DHTKD1: variants seen among roughly 807,000 people sequenced by gnomAD.
DHTKD1 encodes 2-oxoadipate dehydrogenase complex component E1.
Under a neutral mutation model 101.8 loss-of-function variants are expected in DHTKD1, and 78 were observed. The observed-to-expected ratio is 0.77, with a 90% CI of 0.64 to 0.93. The LOEUF (loss-of-function observed/expected upper bound fraction) is 0.93, where lower values mean the gene tolerates loss of function less well. Among genes scored for constraint, DHTKD1 ranks in the 40% least tolerant of loss-of-function variants. The pLI is 0.00. For missense variants in DHTKD1, 1,223 were observed against 1,161.7 expected (o/e 1.05, Z -0.77); for synonymous variants, 462 against 450.3 (o/e 1.03, Z -0.33).
chr10:12,112,843 T>C, intron 12 of DHTKD1, 57 bp from the exon 13 acceptor site: 1 of 1,514,802 alleles, frequency 6.6e-7, no homozygotes, highest in South Asian at 1.3e-5. Context: ...CCATTGTCAC[T>C]ACGACTGAAA....
intron 2 of DHTKD1, 137 bp from the exon 3 acceptor site, chr10:12,084,403 G>A (rs1037027780): frequency 1.5e-5 from 9 of 596,168 alleles, no homozygotes; most frequent in African/African-American, 3.7e-5. Flanking sequence ...ACAAAACAAT[G>A]CCTTCAATTA....
intron 1 of DHTKD1, among the ~76,000 whole-genome samples, chr10:12,076,975 TAAA>T (rs61096299): frequency 6.5e-5 from 4 of 61,836 alleles, no homozygotes; most frequent in Non-Finnish European, 1.5e-4. Flanking sequence ...CTGTTTCTGA[TAAA>T]AAAAAAAAAA....
intron 12 of DHTKD1, among the ~76,000 whole-genome samples, chr10:12,111,205 A>T (rs1052490589): frequency 4.6e-5 from 7 of 152,064 alleles, no homozygotes; most frequent in African/African-American, 1.4e-4. Context: ...TTGCTCTGTC[A>T]CCCAGGCTGT....
chr10:12,074,876 C>T (rs1027259069), intron 1 of DHTKD1, among the ~76,000 whole-genome samples: 4 of 152,164 alleles, frequency 2.6e-5, no homozygotes, highest in South Asian at 4.1e-4. Context: ...ATATTGAAAA[C>T]GTCCCCTTAG....
chr10:12,091,190 C>T (rs1004209001), intron 5 of DHTKD1, among the ~76,000 whole-genome samples: 7 of 152,046 alleles, frequency 4.6e-5, no homozygotes, highest in African/African-American at 1.7e-4. Context: ...GAGGGTGGAT[C>T]ACCTGAGGTC....
chr10:12,068,988 C>G lies in DHTKD1; in HGVS notation c.-46C>G, dbSNP rs1378020945. The G allele has an allele frequency of 2.5e-6, 4 of 1,607,920 alleles. No individual in the cohort carries two copies. In the African/African-American group the frequency reaches 5.4e-5, roughly 22 times the overall value. On this transcript the variant is annotated 5_prime_UTR_variant, in exon 1 of 17. Transcript: ENST00000263035. ...CGGATTTACCAGGGCCGGTGGGATC[C>G]CCTCGGGCTCCCGCCTTAGCATGCT...
chr10:12,083,489 C>T (rs1276777510), intron 2 of DHTKD1, among the ~76,000 whole-genome samples: 1 of 152,110 alleles, frequency 6.6e-6, no homozygotes, highest in Non-Finnish European at 1.5e-5. Context: ...AATCTCAGCA[C>T]TTGGAGAGGC....
chr10:12,077,040 C>T (rs1331017431), intron 1 of DHTKD1, among the ~76,000 whole-genome samples: 13 of 144,914 alleles, frequency 9.0e-5, no homozygotes, highest in African/African-American at 3.3e-4. Flanking sequence ...AGGATTATCA[C>T]TTAAATTTTT....
chr10:12,093,195 C>T (rs1156785953), intron 6 of DHTKD1, among the ~76,000 whole-genome samples: 2 of 152,100 alleles, frequency 1.3e-5, no homozygotes, highest in East Asian at 3.9e-4. Context: ...AGGTGTCCAC[C>T]ACCACACCCA....
At chr10:12,119,514 G>C (rs1411140240) in intron 15 of DHTKD1, among the ~76,000 whole-genome samples, 6 of 147,462 alleles carry the variant, frequency 4.1e-5, no homozygotes, top group East Asian at 2.0e-4. Flanking sequence ...TACTTGGGAG[G>C]CTGACGCAGG....
At chr10:12,101,332 C>G (rs906848763) in intron 10 of DHTKD1, 151 bp downstream of exon 10, 1 of 788,452 alleles carries the variant, frequency 1.3e-6, no homozygotes, top group Non-Finnish European at 1.9e-6. Flanking sequence ...GTGGGTCTGT[C>G]AATTTGGAAT....
chr10:12,084,697 G>T lies in DHTKD1; in HGVS notation c.468G>T (p.Glu156Asp). ...FAKRFEELQK[E>D]TFTTEERKHL... Reference sequence around the variant, plus strand: ...AGCGGTTTGAGGAACTGCAAAAGGAGACGTTTACCACAGAAGAGCGAAAAC... The same window carrying T: ...AGCGGTTTGAGGAACTGCAAAAGGATACGTTTACCACAGAAGAGCGAAAAC... Residue 156 changes from glutamate to aspartate, a missense_variant, in exon 3 of 17, where the codon GAG (glutamate) becomes GAT (aspartate). Glu to Asp is a conservative substitution (Grantham distance 45). Transcript: ENST00000263035. 1 of 1,614,130 alleles carries T rather than the reference G, an allele frequency of 6.2e-7. No individual in the cohort carries two copies. The highest frequency in any genetic ancestry group is 8.5e-7 in the Non-Finnish European group (1 of 1,180,028).
chr10:12,092,024 T>G (rs1438422960), intron 6 of DHTKD1, among the ~76,000 whole-genome samples: 1 of 151,118 alleles, frequency 6.6e-6, no homozygotes, highest in African/African-American at 2.4e-5. Flanking sequence ...CCTTTCCAGC[T>G]TGTACTCCAT....
In DHTKD1 at chr10:12,095,467, C is replaced by T. The variant is rs370130473; in HGVS notation, c.1358+1196C>T. Among the ~76,000 whole-genome samples, 37 of 151,468 alleles carry T rather than the reference C, an allele frequency of 2.4e-4. 1 individual carries two copies. The highest frequency in any genetic ancestry group is 7.7e-4 in the East Asian group (4 of 5,166). ...CCAAGGTGGGTGGATCACTTGAGGTCAGGAGTTTGAGACCGGCCTGGCCAA... is the reference window on the plus strand; with the variant it reads ...CCAAGGTGGGTGGATCACTTGAGGTTAGGAGTTTGAGACCGGCCTGGCCAA... On this transcript the variant is annotated intron_variant, in intron 7 of 16. Coordinates refer to ENST00000263035, the MANE Select transcript of DHTKD1 (RefSeq NM_018706.7).
intron 12 of DHTKD1, among the ~76,000 whole-genome samples, chr10:12,112,139 A>G (rs761500515): frequency 5.3e-5 from 8 of 151,928 alleles, no homozygotes; most frequent in Non-Finnish European, 1.2e-4. Context: ...TCATAACAAG[A>G]CCCCATCTCT....
rs1833516578 is a variant in DHTKD1 at position 12,120,883 on chromosome 10, G to A, written c.2755G>A (p.Ala919Thr). 8 of 1,613,318 alleles carry A rather than the reference G, an allele frequency of 5.0e-6. No homozygotes were observed. Among genetic ancestry groups the A allele is most frequent in the East Asian group, 2.2e-5 (1 of 44,840 alleles). ...TGAAGATATCCTCGCCAAGACCTTC[G>A]CTTGATGATGACTTTTGAAGAAACA... ...QHEDILAKTFA is the reference protein window; with the variant it reads ...QHEDILAKTFT Residue 919 changes from alanine (A) to threonine (T), a missense_variant, in exon 17 of 17, where the codon GCT (alanine) becomes ACT (threonine). Ala to Thr is a moderately conservative substitution (Grantham distance 58, BLOSUM62 0). Transcript: ENST00000263035.
intron 2 of DHTKD1, among the ~76,000 whole-genome samples, chr10:12,083,169 A>C (rs953234207): frequency 5.9e-5 from 9 of 151,882 alleles, no homozygotes; most frequent in African/African-American, 2.2e-4. Flanking sequence ...AAAAAAAAAA[A>C]AGAAACCATA....
intron 5 of DHTKD1, among the ~76,000 whole-genome samples, chr10:12,089,731 C>T (rs1832958649): frequency 6.6e-6 from 1 of 151,824 alleles, no homozygotes; most frequent in East Asian, 1.9e-4. Context: ...AGTGCAGTGG[C>T]GAAATCTCAG....
At chr10:12,082,639 T>C (rs1190374709) in intron 2 of DHTKD1, among the ~76,000 whole-genome samples, 1 of 149,394 alleles carries the variant, frequency 6.7e-6, no homozygotes, top group Non-Finnish European at 1.5e-5. Flanking sequence ...GAGACGGGCC[T>C]CCAAAGGCCC....
Sources: allele counts gnomAD v4.1 joint callset (sites outside exome capture counted in the v4.1 genomes callset), GRCh38; gene constraint gnomAD v4.1.1; transcripts MANE v1.5; gene names NCBI Gene and HGNC (gene_info 2026-07-23, HGNC 2026-07-21).